The following FAM98C variants were observed in gnomAD, a reference collection of about 807,000 sequenced individuals.
FAM98C encodes the protein tRNA splicing ligase complex subunit 3C, also known as protein FAM98C.
In FAM98C, 38 loss-of-function variants were observed where a neutral mutation model predicts 41.1. The observed-to-expected ratio is 0.92, with a 90% confidence interval of 0.71 to 1.21. The LOEUF is 1.21. Among genes scored for constraint, FAM98C ranks in the 50% most tolerant of loss-of-function variants. FAM98C has a pLI of 0.00. For missense variants in FAM98C, 493 were observed against 484.7 expected (o/e 1.02, Z -0.16); for synonymous variants, 195 against 216.7 (o/e 0.90, Z 0.88).
chr19:38,405,061 G>T lies in FAM98C; in HGVS notation c.503G>T (p.Arg168Ile). ...DLTLQALGLP[R>I]PAPGTPASQL... ...ACCCTCCAAGCCCTGGGGCTGCCCA[G>T]ACCTGCACCAGGGACCCCCGCCAGC... Residue 168 changes from arginine (R) to isoleucine (I), a missense_variant, in exon 4 of 8, where the codon AGA becomes ATA. Transcript: ENST00000252530. 6.2e-7 allele frequency: 1 copy of T among 1,613,138 alleles called. No individual in the cohort carries two copies. The highest frequency in any genetic ancestry group is 8.5e-7 in the Non-Finnish European group (1 of 1,179,350).
chr19:38,404,953 G>A lies in FAM98C; in HGVS notation c.395G>A (p.Arg132His), dbSNP rs200101425. 1.9e-4 allele frequency: 308 copies of A among 1,614,012 alleles called. No individual in the cohort carries two copies. The highest frequency in any genetic ancestry group is 9.9e-4 in the Middle Eastern group (6 of 6,084). The change falls in exon 4 of 8, where the codon CGC becomes CAC. Residue 132 changes from arginine (R) to histidine (H), a missense_variant. Transcript: ENST00000252530. The stretch of plus-strand genomic sequence containing the variant: ...CAAGCCACCCGCCTCCTGTGCCTCC[G>A]CTCTCTGCTGGATCCGAGTCCTAGG... ...ELQATRLLCL[R>H]SLLDPSPRPP...
intron 6 of FAM98C, 111 bp downstream of exon 6, chr19:38,405,746 C>A: frequency 9.9e-7 from 1 of 1,005,358 alleles, no homozygotes; most frequent in Non-Finnish European, 1.5e-6. Context: ...GGTTCTCAGG[C>A]CATGGACATT....
intron 7 of FAM98C, chr19:38,407,333 T>G (rs1971055336): frequency 2.1e-6 from 1 of 471,850 alleles, no homozygotes; most frequent in East Asian, 3.3e-5. Context: ...GGGCTTAAAA[T>G]CCTTCCCTAT....
intron 3 of FAM98C, chr19:38,404,583 T>G (rs1600527335): frequency 3.6e-6 from 1 of 278,242 alleles, no homozygotes; most frequent in Non-Finnish European, 7.2e-6. Context: ...CAGGCTGGAG[T>G]ACAGTGACAT....
chr19:38,406,621 T>TA (rs532596774), intron 6 of FAM98C: 6,854 of 263,756 alleles, frequency 0.026, 2 homozygotes, highest in Middle Eastern at 0.04. Flanking sequence ...TACTAAAAAT[T>TA]AAAAAAAAAA....
chr19:38,403,731 C>A, intron 3 of FAM98C, 37 bp downstream of exon 3: 1 of 1,381,778 alleles, frequency 7.2e-7, no homozygotes, highest in South Asian at 1.7e-5. Context: ...AGGCCATGGC[C>A]TCCGGAGCGG....
intron 3 of FAM98C, chr19:38,404,675 C>T: frequency 4.3e-6 from 2 of 465,520 alleles, no homozygotes; most frequent in Non-Finnish European, 8.0e-6. Flanking sequence ...GGATTACAAG[C>T]ACTCACCACT....
rs748417734 is a variant in FAM98C, at chr19:38,405,568, G to GCCGCTGCCT, written c.686_694dup (p.Arg229_Leu231dup). On this transcript the variant is annotated inframe_insertion, in exon 6 of 8. Transcript: ENST00000252530. ...AGCCTCAGAGATCAGTACCGCTGCC[G>GCCGCTGCCT]CCGCTGCCTCCTCCTCAAGCGCCTT... 3 of 1,614,008 alleles carry GCCGCTGCCT rather than the reference G, an allele frequency of 1.9e-6. No homozygotes were observed. The highest frequency in any genetic ancestry group is 2.7e-5 in the African/African-American group (2 of 74,896).
At position 38,403,390 on chromosome 19, in the gene FAM98C, AG is replaced by A; in HGVS notation, c.123del (p.Leu42CysfsTer26). 6.8e-7 allele frequency: 1 copy of A among 1,462,958 alleles called. No individual in the cohort carries two copies. Among genetic ancestry groups the A allele is most frequent in the Non-Finnish European group, 8.9e-7 (1 of 1,120,682 alleles). 90.6% of individuals were successfully genotyped at this position (1,462,958 alleles called of 1,614,324 possible). ...ASRGASCPDF[R>X]GLCVRLAAEL... is the part of the protein sequence containing the mutation. ...GCGGGGCGCCTCATGCCCAGACTTC[AG>A]GGGGCTGTGCGTGCGGCTGGCGGCG... is the stretch of plus-strand genomic sequence containing the variant. On this transcript the variant is annotated frameshift_variant, in exon 2 of 8. Transcript: ENST00000252530. LOFTEE classifies it high-confidence loss of function.
At chr19:38,405,720 G>A in intron 6 of FAM98C, 85 bp downstream of exon 6, 4 of 1,297,024 alleles carry the variant, frequency 3.1e-6, no homozygotes, top group Admixed American at 1.7e-5. Context: ...AGGGCCAGGA[G>A]TATCACCCTC....
At position 38,405,076 on chromosome 19, in the gene FAM98C, C is replaced by T; in HGVS notation, c.518C>T (p.Thr173Ile). The T allele has an allele frequency of 1.2e-6, 2 of 1,611,118 alleles. No individual in the cohort carries two copies. Among genetic ancestry groups the T allele is most frequent in the Non-Finnish European group, 8.5e-7 (1 of 1,177,836 alleles). Reference sequence around the variant, plus strand: ...GGGCTGCCCAGACCTGCACCAGGGACCCCCGCCAGCCAGCTGCTGCAGGAG... The same window carrying T: ...GGGCTGCCCAGACCTGCACCAGGGATCCCCGCCAGCCAGCTGCTGCAGGAG... Reference protein sequence around the residue: ...ALGLPRPAPGTPASQLLQELH... With the variant: ...ALGLPRPAPGIPASQLLQELH... Residue 173 changes from threonine (T) to isoleucine (I), a missense_variant, in exon 4 of 8, where the codon ACC (threonine) becomes ATC (isoleucine). By Grantham distance (89) the Thr-to-Ile change is moderately conservative (BLOSUM62 -1). Transcript: ENST00000252530.
chr19:38,407,359 A>C, intron 7 of FAM98C: 2 of 381,234 alleles, frequency 5.2e-6, no homozygotes, highest in Non-Finnish European at 4.8e-6. Flanking sequence ...AACACTACCT[A>C]TTTGTTGTTT....
At chr19:38,407,115 G>T in intron 7 of FAM98C, 38 bp downstream of exon 7, 1 of 1,602,198 alleles carries the variant, frequency 6.2e-7, no homozygotes, top group Non-Finnish European at 8.5e-7. Flanking sequence ...TGGCATCCTT[G>T]GCCTTCAGAT....
chr19:38,405,885 T>C (rs1356132837), intron 6 of FAM98C: 20 of 437,942 alleles, frequency 4.6e-5, no homozygotes, highest in Non-Finnish European at 7.4e-5. Flanking sequence ...TGAGACGGGG[T>C]CTCACTCTGT....
chr19:38,405,858 C>CGTTTT lies in FAM98C; in HGVS notation c.750+223_750+224insGTTTT, dbSNP rs768707631. 196 of 482,804 alleles carry CGTTTT rather than the reference C, an allele frequency of 4.1e-4. 1 individual carries two copies. The highest frequency in any genetic ancestry group is 7.1e-4 in the South Asian group (25 of 35,380). 29.9% of individuals were successfully genotyped at this position (482,804 alleles called of 1,614,324 possible). A position where few individuals can be genotyped will look rare whatever the true frequency, so the allele number is the denominator to read the frequency against. ...CAGTATATTCAGAGGCATACCCCAT[C>CGTTTT]ATTTTTTTTTTTTTTTTGAGACGGG... On this transcript the variant is annotated intron_variant, in intron 6 of 7. Coordinates refer to ENST00000252530, the MANE Select transcript of FAM98C (RefSeq NM_174905.4).
Position 38,403,389 on chromosome 19 carries a change from C to A in FAM98C, c.117C>A (p.Phe39Leu). 1 of 1,463,968 alleles carries A rather than the reference C, an allele frequency of 6.8e-7. No homozygotes were observed. The highest frequency in any genetic ancestry group is 8.9e-7 in the Non-Finnish European group (1 of 1,121,206). The allele number at this position is 1,463,968 out of a possible 1,614,324, so 90.7% of individuals were successfully genotyped here. Reference sequence around the variant, plus strand: ...CGCGGGGCGCCTCATGCCCAGACTTCAGGGGGCTGTGCGTGCGGCTGGCGG... The same window carrying A: ...CGCGGGGCGCCTCATGCCCAGACTTAAGGGGGCTGTGCGTGCGGCTGGCGG... ...AASRGASCPD[F>L]RGLCVRLAAE... The change falls in exon 2 of 8, where the codon TTC (phenylalanine) becomes TTA (leucine). Residue 39 changes from phenylalanine to leucine, a missense_variant. By Grantham distance (22) the Phe-to-Leu change is conservative. Coordinates refer to ENST00000252530, the MANE Select transcript of FAM98C (RefSeq NM_174905.4).
chr19:38,404,048 G>T (rs1248815421), intron 3 of FAM98C, among the ~76,000 whole-genome samples: 2 of 151,132 alleles, frequency 1.3e-5, no homozygotes, highest in Non-Finnish European at 3.0e-5. Flanking sequence ...TTACAGGCGC[G>T]CGACACCACA....
At chr19:38,404,308 G>A (rs796233190) in intron 3 of FAM98C, among the ~76,000 whole-genome samples, 2 of 152,280 alleles carry the variant, frequency 1.3e-5, no homozygotes, top group African/African-American at 4.8e-5. Flanking sequence ...AGGGTCTCAA[G>A]GTGGGGCTTA....
At position 38,408,960 on chromosome 19, in the gene FAM98C, AG is replaced by A; in HGVS notation, c.*80del. ...CGGTAATCTCTGGGGAGTCCGTTTA[AG>A]GCTTTCCTTGGTATTTGGCACCCAA... On this transcript the variant is annotated 3_prime_UTR_variant, in exon 8 of 8. Coordinates refer to ENST00000252530, the MANE Select transcript of FAM98C (RefSeq NM_174905.4). 6.8e-7 allele frequency: 1 copy of A among 1,469,788 alleles called. No individual in the cohort carries two copies. The highest frequency in any genetic ancestry group is 1.4e-5 in the South Asian group (1 of 71,028). The allele number at this position is 1,469,788 out of a possible 1,614,324, so 91.0% of individuals were successfully genotyped here.
Sources: allele counts gnomAD v4.1 joint callset (sites outside exome capture counted in the v4.1 genomes callset), GRCh38; gene constraint gnomAD v4.1.1; transcripts MANE v1.5; gene names NCBI Gene and HGNC (gene_info 2026-07-23, HGNC 2026-07-21).